The following FAM184A variants were observed in gnomAD, a reference collection of about 807,000 sequenced individuals.
The protein encoded by FAM184A is protein FAM184A.
Under a neutral mutation model 143.8 loss-of-function variants are expected in FAM184A, and 99 were observed. The ratio of observed to expected loss-of-function variants is 0.69; its 90% CI spans 0.58 to 0.81. The LOEUF is 0.81. Ranked by LOEUF, FAM184A falls within the 40% of genes least tolerant of loss-of-function variation. The pLI is 0.00. For missense variants in FAM184A, 1,217 were observed against 1,310.5 expected, an observed-to-expected ratio of 0.93 and a Z score of 1.10; for synonymous variants, 427 against 446.4, an observed-to-expected ratio of 0.96 and a Z score of 0.55.
intron 1 of FAM184A, chr6:119,069,016 AT>A: frequency 8.0e-6 from 3 of 374,664 alleles, no homozygotes; most frequent in South Asian, 4.2e-5. Context: ...TTCCAGTTAC[AT>A]TTTCTCAAGT....
At chr6:119,147,548 A>G (rs891781807) in intron 1 of FAM184A, among the ~76,000 whole-genome samples, 2 of 152,138 alleles carry the variant, frequency 1.3e-5, no homozygotes, top group African/African-American at 4.8e-5. Flanking sequence ...GTAAAAATAG[A>G]TCTTTGACCC....
At chr6:119,100,550 A>G (rs1161075046) in intron 1 of FAM184A, among the ~76,000 whole-genome samples, 1 of 152,090 alleles carries the variant, frequency 6.6e-6, no homozygotes, top group Non-Finnish European at 1.5e-5. Flanking sequence ...CCGGAGGGAT[A>G]TGGGCTGGAC....
intron 1 of FAM184A, among the ~76,000 whole-genome samples, chr6:119,055,019 A>G (rs922821941): frequency 1.3e-5 from 2 of 152,162 alleles, no homozygotes; most frequent in African/African-American, 4.8e-5. Context: ...CCCTAAAAGG[A>G]AACACCACAG....
chr6:119,016,830 A>G lies in FAM184A; in HGVS notation c.1447T>C (p.Leu483=). The change falls in exon 5 of 18, where the codon TTG becomes CTG. Residue 483 remains leucine, a synonymous_variant. Transcript: ENST00000338891. ...TQLNEAHSKT[L]EELAWKHHMA... The stretch of plus-strand genomic sequence containing the variant: ...TGGTGCTTCCAAGCTAATTCTTCCA[A>G]AGTCTTAGAATGGGCCTCGTTTAAT... The G allele has an allele frequency of 2.5e-6, 4 of 1,614,116 alleles. No homozygotes were observed. The South Asian group carries it at 3.3e-5, about 13-fold the overall frequency.
intron 9 of FAM184A, among the ~76,000 whole-genome samples, chr6:118,994,855 A>G (rs992500318): frequency 3.9e-5 from 6 of 152,192 alleles, no homozygotes; most frequent in African/African-American, 1.4e-4. Context: ...ACTATTGTGT[A>G]ATCAGAGCAA....
chr6:119,085,801 C>T (rs1788203834), intron 1 of FAM184A, among the ~76,000 whole-genome samples: 1 of 152,144 alleles, frequency 6.6e-6, no homozygotes, highest in Non-Finnish European at 1.5e-5. Context: ...AGGGAGGCCT[C>T]AGGAAACTTG....
chr6:119,129,252 T>C (rs1323232008), intron 1 of FAM184A, among the ~76,000 whole-genome samples: 1 of 152,200 alleles, frequency 6.6e-6, no homozygotes, highest in African/African-American at 2.4e-5. Flanking sequence ...TTTGAGCACA[T>C]GTTCTCAGGA....
chr6:119,073,159 A>C (rs1787754524), intron 1 of FAM184A, among the ~76,000 whole-genome samples: 1 of 152,250 alleles, frequency 6.6e-6, no homozygotes, highest in South Asian at 2.1e-4. Context: ...ATCAATGCTA[A>C]CGCACAGCAA....
chr6:119,016,608 T>G, intron 5 of FAM184A, 139 bp downstream of exon 5: 1 of 682,934 alleles, frequency 1.5e-6, no homozygotes, highest in Non-Finnish European at 2.5e-6. Flanking sequence ...CGCGCCACCT[T>G]AAGAGCTGTA....
intron 17 of FAM184A, chr6:118,960,680 C>T: frequency 1.9e-6 from 1 of 519,020 alleles, no homozygotes. Context: ...AATATAATTT[C>T]CCCCGTTATT....
intron 1 of FAM184A, among the ~76,000 whole-genome samples, chr6:119,070,938 A>T (rs115714110): frequency 0.011 from 1,686 of 151,980 alleles, 31 homozygotes; most frequent in African/African-American, 0.039. Context: ...AGATCAATTG[A>T]AAGGGCAAAA....
Position 119,133,437 on chromosome 6 carries a change from G to C in FAM184A, c.-202+15641C>G, listed in dbSNP as rs955277714. Reference sequence around the variant, plus strand: ...TTGTTAGCACCTATGGAAAGGAAAGGAAGGAAGTAGGATTGGGCAGAAGTA... The same window carrying C: ...TTGTTAGCACCTATGGAAAGGAAAGCAAGGAAGTAGGATTGGGCAGAAGTA... On this transcript the variant is annotated intron_variant, in intron 1 of 16. Transcript: ENST00000352896. Among the ~76,000 whole-genome samples the C allele has an allele frequency of 4.2e-4, 64 of 151,152 alleles. 1 individual carries two copies. Among genetic ancestry groups the C allele is most frequent in the Admixed American group, 3.9e-3 (60 of 15,260 alleles).
At chr6:119,127,433 G>A (rs895041250) in intron 1 of FAM184A, among the ~76,000 whole-genome samples, 4 of 152,200 alleles carry the variant, frequency 2.6e-5, no homozygotes, top group Admixed American at 2.6e-4. Flanking sequence ...AGCTAGGACT[G>A]TTTTCTACTC....
chr6:118,964,848 T>C, intron 15 of FAM184A, 77 bp from the exon 16 acceptor site: 2 of 730,854 alleles, frequency 2.7e-6, no homozygotes, highest in Non-Finnish European at 4.4e-6. Context: ...TAAACGCCAT[T>C]TCATTTAAAA....
intron 1 of FAM184A, among the ~76,000 whole-genome samples, chr6:119,106,223 T>G (rs1788776593): frequency 7.6e-6 from 1 of 130,966 alleles, no homozygotes; most frequent in African/African-American, 2.9e-5. Flanking sequence ...AAATCCCGTC[T>G]CTACTAAAAA....
Position 118,974,575 on chromosome 6 carries a change from CTGTTTGATT to C in FAM184A, c.2769-10_2769-2del. On this transcript the variant is annotated splice_acceptor_variant and splice_polypyrimidine_tract_variant and intron_variant, in intron 13 of 17. Coordinates refer to ENST00000338891, the MANE Select transcript of FAM184A (RefSeq NM_024581.6). LOFTEE classifies it high-confidence loss of function. The stretch of plus-strand genomic sequence containing the variant: ...CTTGTTTAAATCTTGTTCATGCAAC[CTGTTTGATT>C]TATTTTTAGTTAAGAAAATGTTATT... The C allele has an allele frequency of 1.3e-6, 2 of 1,586,294 alleles. No individual in the cohort carries two copies. Among genetic ancestry groups the C allele is most frequent in the Non-Finnish European group, 1.7e-6 (2 of 1,168,780 alleles).
At chr6:119,131,387 T>C (rs1334696603) in intron 1 of FAM184A, among the ~76,000 whole-genome samples, 1 of 152,376 alleles carries the variant, frequency 6.6e-6, no homozygotes, top group East Asian at 1.9e-4. Flanking sequence ...TTTAAGCTTT[T>C]ACCTGAGGCA....
At chr6:118,991,051 T>C (rs923246411) in intron 9 of FAM184A, among the ~76,000 whole-genome samples, 26 of 152,032 alleles carry the variant, frequency 1.7e-4, no homozygotes, top group African/African-American at 6.3e-4. Context: ...TGTATAAAAA[T>C]TAAAAAATAA....
chr6:119,037,040 G>A (rs996218079), intron 1 of FAM184A, among the ~76,000 whole-genome samples: 1 of 152,210 alleles, frequency 6.6e-6, no homozygotes. Flanking sequence ...GACACTGAGA[G>A]AATGAGTGCC....
Sources: gnomAD v4.1 joint callset for allele counts (sites outside exome capture counted in the v4.1 genomes callset) on GRCh38, gnomAD v4.1.1 for gene constraint, MANE v1.5 for transcripts, NCBI Gene and HGNC (gene_info 2026-07-23, HGNC 2026-07-21) for gene names.